Variants in EYA1 observed in about 807,000 individuals in gnomAD.
The protein encoded by EYA1 is protein phosphatase EYA1.
Under a neutral mutation model 82.0 loss-of-function variants are expected in EYA1, and 16 were observed. The ratio of observed to expected loss-of-function variants is 0.20; its 90% CI spans 0.13 to 0.30. The LOEUF (loss-of-function observed/expected upper bound fraction) is 0.30. Among genes scored for constraint, EYA1 ranks in the 10% least tolerant of loss-of-function variants. The probability of loss-of-function intolerance (pLI) is 1.00; values close to 1 mark genes in which losing one functional copy is unlikely to be tolerated. For synonymous variants in EYA1, 261 were observed against 264.4 expected, an observed-to-expected ratio of 0.99 and a Z score of 0.12; for missense variants, 633 against 730.7, an observed-to-expected ratio of 0.87 and a Z score of 1.54.
chr8:71,347,721 T>A (rs1398732757), intron 3 of EYA1, among the ~76,000 whole-genome samples: 3 of 152,106 alleles, frequency 2.0e-5, no homozygotes, highest in Admixed American at 6.6e-5. Context: ...TAGTAATAAA[T>A]ACAATGATGA....
chr8:71,305,646 C>CAAATAAATAAATAAATAAAT (rs3086567), intron 7 of EYA1, among the ~76,000 whole-genome samples: 12 of 146,698 alleles, frequency 8.2e-5, no homozygotes, highest in Admixed American at 1.4e-4. Context: ...AACTCTATCT[C>CAAATAAATAAATAAATAAAT]AAATAAATAA....
intron 12 of EYA1, among the ~76,000 whole-genome samples, chr8:71,227,270 T>C (rs554779290): frequency 2.6e-5 from 4 of 152,172 alleles, no homozygotes; most frequent in Non-Finnish European, 5.9e-5. Flanking sequence ...ACGGGCTTGC[T>C]CATCATTTTT....
At chr8:71,339,387 T>C (rs1418361076) in intron 3 of EYA1, among the ~76,000 whole-genome samples, 1 of 152,190 alleles carries the variant, frequency 6.6e-6, no homozygotes, top group Non-Finnish European at 1.5e-5. Flanking sequence ...ACAGGTGCCA[T>C]ACATGCTGGC....
intron 11 of EYA1, among the ~76,000 whole-genome samples, chr8:71,264,278 G>A (rs1223371904): frequency 2.0e-5 from 3 of 152,206 alleles, no homozygotes; most frequent in Non-Finnish European, 4.4e-5. Context: ...CTAAAGCAGA[G>A]TAGGAACAAC....
intron 6 of EYA1, among the ~76,000 whole-genome samples, chr8:71,319,536 C>T (rs1053903702): frequency 6.6e-6 from 1 of 152,084 alleles, no homozygotes; most frequent in African/African-American, 2.4e-5. Flanking sequence ...CACCCATAGC[C>T]ACACCTATCT....
chr8:71,484,672 C>A lies in EYA1; in HGVS notation c.33+51072G>T, dbSNP rs907771122. Among the ~76,000 whole-genome samples the A allele has an allele frequency of 2.6e-5, 4 of 152,220 alleles. No homozygotes were observed. In the South Asian group the frequency reaches 8.3e-4, roughly 31 times the overall value. Reference sequence around the variant, plus strand: ...TGGGTCCTGCAAATTAGATTGCTGGCCATGTACAACGGGTTGAGGTGTGCT... The same window carrying A: ...TGGGTCCTGCAAATTAGATTGCTGGACATGTACAACGGGTTGAGGTGTGCT... On this transcript the variant is annotated intron_variant, in intron 2 of 18. Transcript: ENST00000643681.
chr8:71,409,653 A>G (rs1182698520), intron 2 of EYA1, among the ~76,000 whole-genome samples: 1 of 54,864 alleles, frequency 1.8e-5, no homozygotes, highest in Non-Finnish European at 3.4e-5. Flanking sequence ...CGACACATAC[A>G]CTCTCCCAAG....
intron 4 of EYA1, among the ~76,000 whole-genome samples, chr8:71,331,285 C>CACACACACATATAT (rs554459560): frequency 7.8e-6 from 1 of 127,474 alleles, no homozygotes; most frequent in African/African-American, 2.8e-5. Flanking sequence ...CACACACACA[C>CACACACACATATAT]ATATATATAC....
chr8:71,260,018 A>T (rs992860172), intron 11 of EYA1, among the ~76,000 whole-genome samples: 1 of 152,198 alleles, frequency 6.6e-6, no homozygotes, highest in Non-Finnish European at 1.5e-5. Flanking sequence ...ATGGCATCAA[A>T]TATTAATGAG....
At chr8:71,299,817 T>C (rs1282721091) in intron 7 of EYA1, 97 bp from the exon 8 acceptor site, 6 of 762,166 alleles carry the variant, frequency 7.9e-6, no homozygotes, top group Non-Finnish European at 9.5e-6. Context: ...TGGTATTTGG[T>C]TTATCTTCGA....
chr8:71,356,553 G>C, intron 1 of EYA1, 42 bp from the exon 2 acceptor site: 2 of 1,547,750 alleles, frequency 1.3e-6, no homozygotes, highest in Admixed American at 2.0e-5. Context: ...TTGTTACTCT[G>C]CTTCAGTGTC....
chr8:71,492,590 C>T (rs907129240), intron 2 of EYA1, among the ~76,000 whole-genome samples: 4 of 151,836 alleles, frequency 2.6e-5, no homozygotes, highest in African/African-American at 9.7e-5. Flanking sequence ...TCAGCCTCCC[C>T]AGTAGCTCGG....
At chr8:71,327,963 C>G (rs537907426) in intron 4 of EYA1, among the ~76,000 whole-genome samples, 2 of 147,776 alleles carry the variant, frequency 1.4e-5, no homozygotes, top group Non-Finnish European at 3.0e-5. Flanking sequence ...TCAAGCGATT[C>G]TCCTGCCTCA....
intron 12 of EYA1, among the ~76,000 whole-genome samples, chr8:71,234,389 CT>C (rs1308701079): frequency 6.6e-6 from 1 of 152,200 alleles, no homozygotes; most frequent in East Asian, 1.9e-4. Flanking sequence ...CCCTCATCCT[CT>C]TCTCAACCCA....
chr8:71,307,628 A>G (rs6472580), intron 7 of EYA1, among the ~76,000 whole-genome samples: 104,416 of 152,118 alleles, frequency 0.69, 36,157 homozygotes, highest in East Asian at 0.89. Flanking sequence ...CCAGTAAATA[A>G]TCCAGCAGAC....
In EYA1 at chr8:71,211,161, T is replaced by C. The variant is rs1309239827; in HGVS notation, c.1693A>G (p.Lys565Glu). 5 of 1,605,628 alleles carry C rather than the reference T, an allele frequency of 3.1e-6. No homozygotes were observed. The highest frequency in any genetic ancestry group is 2.6e-6 in the Non-Finnish European group (3 of 1,172,310). The stretch of plus-strand genomic sequence containing the variant: ...CACCATCTAGGAATGCTCACCTTTT[T>C]TGCTCCTTGTTCTTCTTCTACACCA... Reference protein sequence around the residue: ...GDGVEEEQGAKKHAMPFWRIS... With the variant: ...GDGVEEEQGAEKHAMPFWRIS... Residue 565 changes from lysine to glutamate, a missense_variant, in exon 17 of 18, where the codon AAA (lysine) becomes GAA (glutamate). Transcript: ENST00000340726.
chr8:71,214,952 CAATT>C (rs1041693900), intron 16 of EYA1, among the ~76,000 whole-genome samples: 2 of 152,144 alleles, frequency 1.3e-5, no homozygotes, highest in Non-Finnish European at 2.9e-5. Context: ...AATGGAAACT[CAATT>C]GATTATACAG....
At chr8:71,365,200 G>C (rs1827684908), upstream of EYA1, among the ~76,000 whole-genome samples, 1 of 151,408 alleles carries the variant, frequency 6.6e-6, no homozygotes, top group African/African-American at 2.4e-5. Context: ...AGAAAACAAA[G>C]GATAAAATAC....
intron 2 of EYA1, among the ~76,000 whole-genome samples, chr8:71,448,025 T>TTCTTTTTTTTTTTAGGTAACGGAG (rs1807038587): frequency 8.6e-6 from 1 of 116,736 alleles, no homozygotes; most frequent in Non-Finnish European, 1.7e-5. Context: ...TTTTTTTTTT[T>TTCTTTTTTTTTTTAGGTAACGGAG]TCTCGCTCCG....
Sources: allele counts gnomAD v4.1 joint callset (sites outside exome capture counted in the v4.1 genomes callset), GRCh38; gene constraint gnomAD v4.1.1; transcripts MANE v1.5; gene names NCBI Gene and HGNC (gene_info 2026-07-23, HGNC 2026-07-21).